Variants in RAPH1 observed in about 807,000 individuals in gnomAD.
RAPH1 encodes Ras association (RalGDS/AF-6) and pleckstrin homology domains 1.
A neutral mutation model predicts 88.1 loss-of-function variants in RAPH1; 18 were observed. The observed-to-expected ratio is 0.20, with a 90% confidence interval of 0.14 to 0.30. The LOEUF (loss-of-function observed/expected upper bound fraction) is 0.30, where lower values mean the gene tolerates loss of function less well. Among genes scored for constraint, RAPH1 ranks in the 10% least tolerant of loss-of-function variants. RAPH1 has a pLI of 1.00. For missense variants in RAPH1, 1,448 were observed against 1,543.2 expected (o/e 0.94, Z 1.03); for synonymous variants, 587 against 559.0 (o/e 1.05, Z -0.71).
intron 2 of RAPH1, among the ~76,000 whole-genome samples, chr2:203,492,850 G>A (rs1688332314): frequency 6.6e-6 from 1 of 151,294 alleles, no homozygotes; most frequent in Non-Finnish European, 1.5e-5. Context: ...AGGGGTTGCT[G>A]AGAATTTTAT....
rs765771831 is a variant in RAPH1, at chr2:203,459,992, T to C, written c.1007A>G (p.Asn336Ser). Residue 336 changes from asparagine to serine, a missense_variant, in exon 7 of 14, where the codon AAT (asparagine) becomes AGT (serine). Asn to Ser is a conservative substitution (Grantham distance 46). Transcript: ENST00000319170. ...GCTATCTCTTGTCCAATTAAGAAGA[T>C]TTTCAACCAAGTTTTCATGGTCTTC... is the stretch of plus-strand genomic sequence containing the variant. The part of the protein sequence containing the change: ...IFEDHENLVE[N>S]LLNWTRDSQN... 7.5e-6 allele frequency: 12 copies of C among 1,610,100 alleles called. No homozygotes were observed. The highest frequency in any genetic ancestry group is 1.3e-5 in the African/African-American group (1 of 74,732).
rs75856509 is a variant in RAPH1 at position 203,437,749 on chromosome 2, A to G, written c.*1688T>C. 1.1e-3 allele frequency: 202 copies of G among 187,320 alleles called. 7 individuals are homozygous for G. The East Asian group carries it at 0.031, about 29-fold the overall frequency. The allele number at this position is 187,320 out of a possible 1,614,324, so 11.6% of individuals were successfully genotyped here. On this transcript the variant is annotated 3_prime_UTR_variant, in exon 14 of 14. Transcript: ENST00000319170. Reference sequence around the variant, plus strand: ...ATTAAGCACTTTTGCTCATTCTAGAATTATTTACCATCTCTTCCCCCACTT... The same window carrying G: ...ATTAAGCACTTTTGCTCATTCTAGAGTTATTTACCATCTCTTCCCCCACTT...
chr2:203,520,329 C>G (rs544755637), intron 1 of RAPH1, among the ~76,000 whole-genome samples: 2 of 93,888 alleles, frequency 2.1e-5, no homozygotes, highest in East Asian at 4.9e-4. Flanking sequence ...GAGCCCCTGC[C>G]TCAAAAAAAA....
rs564098428 is a variant in RAPH1, at chr2:203,513,837, GA to G, written c.1-18485del. ...GAGACAGAGCAAGACTCAGTCTCAAGAAAAAAAAAAAAAAATCAAAAAAATT... is the reference window on the plus strand; with the variant it reads ...GAGACAGAGCAAGACTCAGTCTCAAGAAAAAAAAAAAAAATCAAAAAAATT... On this transcript the variant is annotated intron_variant, in intron 1 of 13. Coordinates refer to ENST00000319170, the MANE Select transcript of RAPH1 (RefSeq NM_213589.3). 8.6e-3 allele frequency among the ~76,000 whole-genome samples: 1,019 copies of G among 117,978 alleles called. 6 individuals carry two copies. The highest frequency in any genetic ancestry group is 0.025 in the African/African-American group (793 of 32,134). The allele number at this position is 117,978 out of a possible 152,430, so 77.4% of individuals were successfully genotyped here. A position where few individuals can be genotyped will look rare whatever the true frequency, so the allele number is the denominator to read the frequency against.
At chr2:203,496,893 T>C (rs970025758) in intron 1 of RAPH1, among the ~76,000 whole-genome samples, 3 of 152,330 alleles carry the variant, frequency 2.0e-5, no homozygotes, top group African/African-American at 4.8e-5. Flanking sequence ...ATTTGGAATA[T>C]AGCCTGTCAG....
intron 1 of RAPH1, among the ~76,000 whole-genome samples, chr2:203,510,545 C>G (rs1689289923): frequency 6.6e-6 from 1 of 151,956 alleles, no homozygotes; most frequent in Non-Finnish European, 1.5e-5. Context: ...CATTTTCTTC[C>G]AGGGTCACTG....
Position 203,434,692 on chromosome 2 carries a change from T to G in RAPH1, c.*4745A>C, listed in dbSNP as rs2098497017. The G allele has an allele frequency of 6.6e-6, 1 of 152,474 alleles. No homozygotes were observed. The highest frequency in any genetic ancestry group is 2.1e-4 in the South Asian group (1 of 4,836). The allele number at this position is 152,474 out of a possible 1,614,324, so 9.4% of individuals were successfully genotyped here. A position where few individuals can be genotyped will look rare whatever the true frequency, so the allele number is the denominator to read the frequency against. On this transcript the variant is annotated 3_prime_UTR_variant, in exon 14 of 14. Coordinates refer to ENST00000319170, the MANE Select transcript of RAPH1 (RefSeq NM_213589.3). The stretch of plus-strand genomic sequence containing the variant: ...ATAAGGGTTTCTCCCCCTTTAGTGC[T>G]GCAGACAAGTTTTACTGCCTAAGAC...
chr2:203,506,771 T>TATATATATATAG (rs1689040560), intron 1 of RAPH1, among the ~76,000 whole-genome samples: 1 of 127,950 alleles, frequency 7.8e-6, no homozygotes, highest in African/African-American at 3.4e-5. Flanking sequence ...TATATATATC[T>TATATATATATAG]ATATATATCT....
chr2:203,469,028 G>A (rs1158836493), intron 4 of RAPH1, among the ~76,000 whole-genome samples: 2 of 152,182 alleles, frequency 1.3e-5, no homozygotes, highest in Non-Finnish European at 2.9e-5. Context: ...GGAGCCCAGG[G>A]ATAATGTAGG....
At chr2:203,498,019 A>G (rs1352370981) in intron 1 of RAPH1, among the ~76,000 whole-genome samples, 6 of 152,220 alleles carry the variant, frequency 3.9e-5, no homozygotes, top group East Asian at 1.9e-4. Flanking sequence ...AAGAAGGTTA[A>G]TAAGTAATAT....
At chr2:203,506,854 A>C (rs1256540157) in intron 1 of RAPH1, among the ~76,000 whole-genome samples, 35 of 60,320 alleles carry the variant, frequency 5.8e-4, no homozygotes, top group Non-Finnish European at 9.2e-4. Context: ...ATCTATCTAT[A>C]TCTATATATA....
rs1208021723 is a variant in RAPH1, at chr2:203,525,639, C to T, written c.-1+9472G>A. 2.0e-5 allele frequency among the ~76,000 whole-genome samples: 3 copies of T among 151,980 alleles called. 1 individual carries two copies. Among genetic ancestry groups the T allele is most frequent in the African/African-American group, 7.2e-5 (3 of 41,396 alleles). ...CAAAAAAATAAAAATAAGCCAGGCA[C>T]GGTGATGCACACCTGTAATCCCAGT... is the stretch of plus-strand genomic sequence containing the variant. On this transcript the variant is annotated intron_variant, in intron 1 of 13. Transcript: ENST00000319170.
Position 203,441,197 on chromosome 2 carries a change from C to G in RAPH1, c.1993G>C (p.Val665Leu). 6.2e-7 allele frequency: 1 copy of G among 1,603,882 alleles called. No individual in the cohort carries two copies. The highest frequency in any genetic ancestry group is 8.5e-7 in the Non-Finnish European group (1 of 1,176,540). ...AGCCGTGTTATTGTGCTGTACTTGA[C>G]GAACATTGGGGCTGCTGAGCCTGCA... ...PSAGSAAPMF[V>L]KYSTITRLQN... is the part of the protein sequence containing the mutation. Residue 665 changes from valine to leucine, a missense_variant, in exon 14 of 14, where the codon GTC becomes CTC. Transcript: ENST00000319170.
rs544080538 is a variant in RAPH1 at position 203,511,136 on chromosome 2, G to T, written c.1-15783C>A. Among the ~76,000 whole-genome samples the T allele has an allele frequency of 8.7e-4, 133 of 152,090 alleles. 1 individual carries two copies. Among genetic ancestry groups the T allele is most frequent in the African/African-American group, 3.0e-3 (124 of 41,494 alleles). ...CTAGATTGCAAGCTCTGGAAAGAGA[G>T]AAACCATATGGTTCTCATTTTTCAC... On this transcript the variant is annotated intron_variant, in intron 1 of 13. Transcript: ENST00000319170.
chr2:203,491,680 G>C (rs1403872926), intron 2 of RAPH1, among the ~76,000 whole-genome samples: 2 of 152,036 alleles, frequency 1.3e-5, no homozygotes, highest in Non-Finnish European at 2.9e-5. Context: ...GCTAATTTTT[G>C]TATTTTTAGT....
chr2:203,494,763 T>G (rs1029024121), intron 2 of RAPH1, among the ~76,000 whole-genome samples: 4 of 144,420 alleles, frequency 2.8e-5, no homozygotes, highest in African/African-American at 5.2e-5. Flanking sequence ...GAGCCAAGAT[T>G]GCGCCACTGC....
At chr2:203,514,523 G>A (rs1253656390) in intron 1 of RAPH1, among the ~76,000 whole-genome samples, 1 of 152,086 alleles carries the variant, frequency 6.6e-6, no homozygotes, top group Non-Finnish European at 1.5e-5. Flanking sequence ...TCCCCCCAGG[G>A]TGGGCAGCAT....
At chr2:203,472,138 T>TA (rs2098533729) in intron 4 of RAPH1, among the ~76,000 whole-genome samples, 2 of 151,362 alleles carry the variant, frequency 1.3e-5, no homozygotes, top group South Asian at 4.2e-4. Flanking sequence ...TTTTTTTTTT[T>TA]TTTTATTTTT....
chr2:203,514,605 A>C (rs1464344425), intron 1 of RAPH1, among the ~76,000 whole-genome samples: 1 of 151,848 alleles, frequency 6.6e-6, no homozygotes, highest in Non-Finnish European at 1.5e-5. Flanking sequence ...CCCAGGCTGG[A>C]GTGCAGTGGC....
Sources: allele counts gnomAD v4.1 joint callset (sites outside exome capture counted in the v4.1 genomes callset), GRCh38; gene constraint gnomAD v4.1.1; transcripts MANE v1.5; gene names NCBI Gene and HGNC (gene_info 2026-07-23, HGNC 2026-07-21).